Variants in PTPN14 observed in about 807,000 individuals in gnomAD.
PTPN14 encodes the protein tyrosine-protein phosphatase non-receptor type 14.
In PTPN14, 53 loss-of-function variants were observed where a neutral mutation model predicts 126.8. The ratio of observed to expected loss-of-function variants is 0.42; its 90% CI spans 0.34 to 0.53. The LOEUF (loss-of-function observed/expected upper bound fraction) is 0.53, where lower values mean the gene tolerates loss of function less well. Among genes scored for constraint, PTPN14 ranks in the 20% least tolerant of loss-of-function variants. PTPN14 has a pLI of 0.08. For synonymous variants in PTPN14, 630 were observed against 599.3 expected (o/e 1.05, Z -0.75); for missense variants, 1,257 against 1,552.9 (o/e 0.81, Z 3.20).
intron 1 of PTPN14, among the ~76,000 whole-genome samples, chr1:214,477,760 A>C (rs1660898453): frequency 6.6e-6 from 1 of 152,188 alleles, no homozygotes; most frequent in South Asian, 2.1e-4. Context: ...CAGGTGCTTC[A>C]GTTTTCAAGT....
chr1:214,453,610 G>A (rs887501810), intron 2 of PTPN14, among the ~76,000 whole-genome samples: 1 of 151,982 alleles, frequency 6.6e-6, no homozygotes, highest in African/African-American at 2.4e-5. Flanking sequence ...GCGGCTGCAC[G>A]ACTACTACTC....
chr1:214,362,411 G>A (rs1212840596), intron 18 of PTPN14, among the ~76,000 whole-genome samples: 1 of 152,238 alleles, frequency 6.6e-6, no homozygotes, highest in African/African-American at 2.4e-5. Flanking sequence ...GGGCACTGAG[G>A]AAATCCGCTA....
intron 1 of PTPN14, among the ~76,000 whole-genome samples, chr1:214,469,466 G>C (rs1158331213): frequency 6.6e-6 from 1 of 152,048 alleles, no homozygotes; most frequent in Admixed American, 6.6e-5. Context: ...CTGGCTCCTG[G>C]AACCTTTCCA....
At chr1:214,488,867 A>T (rs1661171629) in intron 1 of PTPN14, among the ~76,000 whole-genome samples, 2 of 152,248 alleles carry the variant, frequency 1.3e-5, no homozygotes, top group African/African-American at 2.4e-5. Context: ...CAGACATCAG[A>T]AAAGGCTCTT....
At chr1:214,535,078 G>A (rs183367422) in intron 1 of PTPN14, among the ~76,000 whole-genome samples, 442 of 152,108 alleles carry the variant, frequency 2.9e-3, no homozygotes, top group Non-Finnish European at 4.0e-3. Context: ...TAAAAAATAG[G>A]TAGACACAAA....
chr1:214,433,959 A>C (rs879633685), intron 3 of PTPN14, among the ~76,000 whole-genome samples: 9,831 of 62,376 alleles, frequency 0.16, 492 homozygotes, highest in South Asian at 0.25. Context: ...CACAAAAAAA[A>C]AAAAAAAAAA....
At chr1:214,415,749 C>A (rs1373005780) in intron 3 of PTPN14, among the ~76,000 whole-genome samples, 1 of 152,138 alleles carries the variant, frequency 6.6e-6, no homozygotes, top group Non-Finnish European at 1.5e-5. Flanking sequence ...AACTGGGCTC[C>A]GTGCATGCTC....
intron 3 of PTPN14, among the ~76,000 whole-genome samples, chr1:214,439,251 T>C (rs1437072004): frequency 6.6e-6 from 1 of 152,228 alleles, no homozygotes. Context: ...TCAGTAGCTA[T>C]CTTTTCACAG....
chr1:214,512,615 G>C (rs1655005224), intron 1 of PTPN14, among the ~76,000 whole-genome samples: 1 of 152,182 alleles, frequency 6.6e-6, no homozygotes. Flanking sequence ...AATTTCTGGA[G>C]ATTGCAGCAC....
rs561444079 is a variant in PTPN14, at chr1:214,511,660, CTCTT to C, written c.-155+39519_-155+39522del. On this transcript the variant is annotated intron_variant, in intron 1 of 18. Coordinates refer to ENST00000366956, the MANE Select transcript of PTPN14 (RefSeq NM_005401.5). ...AGAATTCCCTTAGGATCTATGGATT[CTCTT>C]TCTGAGTATAGACCCAAAAGAATTT... Among the ~76,000 whole-genome samples the C allele has an allele frequency of 3.9e-5, 6 of 152,288 alleles. No homozygotes were observed. The South Asian group carries it at 1.2e-3, about 32-fold the overall frequency.
intron 1 of PTPN14, among the ~76,000 whole-genome samples, chr1:214,470,396 G>C (rs1037188745): frequency 6.6e-6 from 1 of 151,514 alleles, no homozygotes; most frequent in African/African-American, 2.4e-5. Context: ...TTTCCTAGGC[G>C]CATCTTATAA....
At chr1:214,526,150 G>A (rs1350896080) in intron 1 of PTPN14, among the ~76,000 whole-genome samples, 1 of 151,752 alleles carries the variant, frequency 6.6e-6, no homozygotes, top group African/African-American at 2.4e-5. Context: ...ATTTTTAGTA[G>A]ACAGGGGTTT....
In PTPN14 at chr1:214,383,507, T is replaced by C; in HGVS notation, c.2348A>G (p.His783Arg). The change falls in exon 13 of 19, where the codon CAT (histidine) becomes CGT (arginine). Residue 783 changes from histidine to arginine, a missense_variant. This residue lies in a region of PTPN14 where 1,021 missense variants were observed against 1,183.3 expected (regional missense o/e 0.86). Transcript: ENST00000366956. This position sits in a 1 kb window ranked among gnomAD's most constrained non-coding sequence, Gnocchi z 4.4. ...PAMARARVLR[H>R]GPAKAISMSR... ...CATGCTGATGGCCTTGGCTGGCCCATGCCTCAGCACCCTGGCTCTGGCCAT... is the reference window on the plus strand; with the variant it reads ...CATGCTGATGGCCTTGGCTGGCCCACGCCTCAGCACCCTGGCTCTGGCCAT... 1.2e-6 allele frequency: 2 copies of C among 1,614,150 alleles called. No individual in the cohort carries two copies. Among genetic ancestry groups the C allele is most frequent in the Admixed American group, 1.7e-5 (1 of 60,032 alleles).
intron 2 of PTPN14, among the ~76,000 whole-genome samples, chr1:214,462,803 C>T (rs1421821737): frequency 1.3e-5 from 2 of 152,102 alleles, no homozygotes; most frequent in African/African-American, 4.8e-5. Flanking sequence ...TCACCAAGTT[C>T]TAAAAAAGTG....
intron 2 of PTPN14, among the ~76,000 whole-genome samples, chr1:214,455,912 T>C (rs1029597184): frequency 2.0e-5 from 3 of 152,076 alleles, no homozygotes; most frequent in Non-Finnish European, 2.9e-5. Context: ...GGGGACATTA[T>C]GGGAACTCTC....
At chr1:214,537,294 G>C (rs979784073) in intron 1 of PTPN14, among the ~76,000 whole-genome samples, 16 of 152,310 alleles carry the variant, frequency 1.1e-4, no homozygotes, top group African/African-American at 3.6e-4. Context: ...GGCTGCTGCA[G>C]ATCAGGTCTA....
Position 214,369,603 on chromosome 1 carries a change from G to C in PTPN14, c.3125C>G (p.Thr1042Arg). 1 of 1,614,148 alleles carries C rather than the reference G, an allele frequency of 6.2e-7. No individual in the cohort carries two copies. The highest frequency in any genetic ancestry group is 8.5e-7 in the Non-Finnish European group (1 of 1,180,038). The part of the protein sequence containing the change: ...SATYGKFKVT[T>R]KFRTDSVCYA... ...GCAAACAGAATCCGTTCGAAACTTC[G>C]TGGTGACCTTGAACTTGCCATAGGT... The change falls in exon 17 of 19, where the codon ACG (threonine) becomes AGG (arginine). Residue 1042 changes from threonine (T) to arginine (R), a missense_variant. Physicochemically the swap from Thr to Arg is moderately conservative, Grantham distance 71. Around this residue, in one of 3 missense-constraint regions of PTPN14, gnomAD observed 171 missense variants for 229.8 expected, o/e 0.74. Coordinates refer to ENST00000366956, the MANE Select transcript of PTPN14 (RefSeq NM_005401.5).
At chr1:214,367,282 T>TTG (rs1198530819) in intron 17 of PTPN14, among the ~76,000 whole-genome samples, 7 of 152,132 alleles carry the variant, frequency 4.6e-5, no homozygotes, top group Non-Finnish European at 1.0e-4. Flanking sequence ...AACAAGCCAT[T>TTG]TGACTTCAGG....
chr1:214,411,645 AGGT>A, intron 5 of PTPN14, 36 bp downstream of exon 5: 2 of 1,354,864 alleles, frequency 1.5e-6, no homozygotes, highest in Non-Finnish European at 2.1e-6. Context: ...TGTCCAAAGA[AGGT>A]AGAAAATTAA....
Sources: gnomAD v4.1 joint callset for allele counts (sites outside exome capture counted in the v4.1 genomes callset) on GRCh38, gnomAD v4.1.1 for gene constraint, gnomAD v4.1.1 regional missense constraint, Gnocchi (gnomAD v3.1) non-coding constraint, MANE v1.5 for transcripts, NCBI Gene and HGNC (gene_info 2026-07-23, HGNC 2026-07-21) for gene names.